SCN11A: variants seen among roughly 807,000 people sequenced by gnomAD.
SCN11A encodes the protein sodium voltage-gated channel alpha subunit 11.
Under a neutral mutation model 162.2 loss-of-function variants are expected in SCN11A, and 122 were observed. That is an observed-to-expected ratio of 0.75 (90% CI 0.65 to 0.87). The LOEUF (loss-of-function observed/expected upper bound fraction) is 0.87. SCN11A is among the 40% of genes least tolerant of loss of function. The pLI is 0.00. For missense variants in SCN11A, 2,015 were observed against 2,181.6 expected (o/e 0.92, Z 1.52); for synonymous variants, 758 against 751.5 (o/e 1.01, Z -0.14).
At chr3:38,990,230 G>A (rs1054946108) in intron 2 of SCN11A, among the ~76,000 whole-genome samples, 4 of 152,150 alleles carry the variant, frequency 2.6e-5, no homozygotes, top group African/African-American at 4.8e-5. Flanking sequence ...ACTCCATCTC[G>A]ACTTATCCGA....
chr3:39,017,341 C>T (rs1023373713), intron 2 of SCN11A, among the ~76,000 whole-genome samples: 1 of 149,884 alleles, frequency 6.7e-6, no homozygotes, highest in African/African-American at 2.4e-5. Flanking sequence ...TAATTTGTTA[C>T]AGCAGCCCAA....
Position 39,013,670 on chromosome 3 carries a change from C to T in SCN11A, c.-280+18710G>A, listed in dbSNP as rs115292269. 5.4e-3 allele frequency among the ~76,000 whole-genome samples: 827 copies of T among 152,326 alleles called. 7 individuals carry two copies. Among genetic ancestry groups the T allele is most frequent in the African/African-American group, 0.015 (636 of 41,574 alleles). ...TTAACTCTCATAAAACAACCTTATG[C>T]TTCTACCTAACATAAAATGTTAGGC... On this transcript the variant is annotated intron_variant, in intron 2 of 29. Transcript: ENST00000302328.
chr3:38,960,125 C>A (rs1449833429), intron 3 of SCN11A, among the ~76,000 whole-genome samples, 158 bp downstream of exon 3: 1 of 152,034 alleles, frequency 6.6e-6, no homozygotes, highest in Non-Finnish European at 1.5e-5. Flanking sequence ...ACCAGCTGAG[C>A]CATATATCTC....
intron 16 of SCN11A, among the ~76,000 whole-genome samples, chr3:38,902,149 G>A (rs1371124639): frequency 6.6e-6 from 1 of 152,172 alleles, no homozygotes; most frequent in Admixed American, 6.5e-5. Context: ...ATTCCACCAG[G>A]AGGTGCTAAA....
At chr3:38,965,956 G>A (rs1455684384) in intron 2 of SCN11A, among the ~76,000 whole-genome samples, 1 of 151,738 alleles carries the variant, frequency 6.6e-6, no homozygotes, top group African/African-American at 2.4e-5. Flanking sequence ...CACCACCTTA[G>A]GTGACAGAAC....
chr3:38,847,468 G>T lies in SCN11A; in HGVS notation c.4602C>A (p.Phe1534Leu). 6.2e-7 allele frequency: 1 copy of T among 1,614,168 alleles called. No individual in the cohort carries two copies. Among genetic ancestry groups the T allele is most frequent in the Non-Finnish European group, 8.5e-7 (1 of 1,180,026 alleles). ...PESGIDDIFN[F>L]KTFASSMLCL... ...AGAGCATGCTGCTGGCAAAAGTCTTGAAGTTGAATATGTCATCGATTCCAG... is the reference window on the plus strand; with the variant it reads ...AGAGCATGCTGCTGGCAAAAGTCTTTAAGTTGAATATGTCATCGATTCCAG... The change falls in exon 30 of 30, where the codon TTC (phenylalanine) becomes TTA (leucine). Residue 1534 changes from phenylalanine to leucine, a missense_variant. Physicochemically the swap from Phe to Leu is conservative, Grantham distance 22. Transcript: ENST00000302328.
chr3:38,952,603 T>C (rs1287925049), intron 4 of SCN11A, among the ~76,000 whole-genome samples: 2 of 152,222 alleles, frequency 1.3e-5, no homozygotes, highest in African/African-American at 4.8e-5. Flanking sequence ...GAAACTAAAA[T>C]AGAACAAATG....
At chr3:39,038,637 C>T (rs918112177) in intron 1 of SCN11A, among the ~76,000 whole-genome samples, 4 of 152,226 alleles carry the variant, frequency 2.6e-5, no homozygotes, top group Non-Finnish European at 4.4e-5. Flanking sequence ...TCAGTTACCA[C>T]ATCCATCAAC....
intron 26 of SCN11A, among the ~76,000 whole-genome samples, chr3:38,869,448 C>T (rs989693537): frequency 1.3e-5 from 2 of 151,972 alleles, no homozygotes; most frequent in South Asian, 4.2e-4. Context: ...ATAAATATTA[C>T]AATGTAAACT....
At chr3:38,929,378 G>A (rs2066203436) in intron 7 of SCN11A, among the ~76,000 whole-genome samples, 1 of 152,192 alleles carries the variant, frequency 6.6e-6, no homozygotes, top group Non-Finnish European at 1.5e-5. Flanking sequence ...CCACTTATAT[G>A]AGGCAGGGGC....
In SCN11A at chr3:38,947,027, G is replaced by C. The variant is rs2066528706; in HGVS notation, c.268-120C>G. 14 of 650,894 alleles carry C rather than the reference G, an allele frequency of 2.2e-5. No individual in the cohort carries two copies. In the South Asian group the frequency reaches 2.8e-4, roughly 13 times the overall value. 40.3% of individuals were successfully genotyped at this position (650,894 alleles called of 1,614,324 possible). A position where few individuals can be genotyped will look rare whatever the true frequency, so the allele number is the denominator to read the frequency against. On this transcript the variant is annotated intron_variant, in intron 5 of 29. Coordinates refer to ENST00000302328, the MANE Select transcript of SCN11A (RefSeq NM_001349253.2). Reference sequence around the variant, plus strand: ...AGAAAATTATAACATAAACTGTTGGGCTGTGGAATATTTACCCAATGGGAT... The same window carrying C: ...AGAAAATTATAACATAAACTGTTGGCCTGTGGAATATTTACCCAATGGGAT...
intron 19 of SCN11A, among the ~76,000 whole-genome samples, chr3:38,889,786 C>T (rs994615733): frequency 1.4e-5 from 2 of 147,458 alleles, no homozygotes; most frequent in Non-Finnish European, 3.0e-5. Context: ...GGCGACAGAG[C>T]GAGACTCCAT....
intron 3 of SCN11A, among the ~76,000 whole-genome samples, chr3:38,959,646 C>A (rs970704722): frequency 6.6e-6 from 1 of 152,198 alleles, no homozygotes; most frequent in African/African-American, 2.4e-5. Context: ...ACATGCCCTA[C>A]AGAAAACCTC....
intron 2 of SCN11A, among the ~76,000 whole-genome samples, chr3:38,970,169 G>C (rs971280996): frequency 7.2e-5 from 11 of 152,274 alleles, no homozygotes; most frequent in African/African-American, 1.4e-4. Context: ...ATAGCAAGAG[G>C]GGGGATCTCT....
chr3:39,029,081 C>G lies in SCN11A; in HGVS notation c.-280+3299G>C, dbSNP rs536537250. 2.0e-5 allele frequency among the ~76,000 whole-genome samples: 3 copies of G among 152,262 alleles called. No homozygotes were observed. In the South Asian group the frequency reaches 6.2e-4, roughly 32 times the overall value. On this transcript the variant is annotated intron_variant, in intron 2 of 29. Transcript: ENST00000302328. Reference sequence around the variant, plus strand: ...GTCATGGTCATTTACTTCAATAATGCTTTAATAAATATCCCTTTACCTGTG... The same window carrying G: ...GTCATGGTCATTTACTTCAATAATGGTTTAATAAATATCCCTTTACCTGTG...
chr3:38,868,002 A>ATAAATATC (rs2065069172), intron 26 of SCN11A, among the ~76,000 whole-genome samples: 3 of 152,208 alleles, frequency 2.0e-5, no homozygotes, highest in Non-Finnish European at 4.4e-5. Flanking sequence ...TACACATGGA[A>ATAAATATC]TAAATATCTA....
intron 2 of SCN11A, among the ~76,000 whole-genome samples, chr3:39,017,707 CTA>C (rs1265303452): frequency 6.6e-6 from 1 of 151,936 alleles, no homozygotes; most frequent in African/African-American, 2.4e-5. Flanking sequence ...TGTAGAAGTT[CTA>C]TGTCTTTTTT....
intron 2 of SCN11A, among the ~76,000 whole-genome samples, chr3:39,015,910 T>C (rs1224578037): frequency 1.3e-5 from 2 of 152,136 alleles, no homozygotes; most frequent in Non-Finnish European, 2.9e-5. Context: ...CTAATTTTTG[T>C]ATTTTTAGTA....
intron 2 of SCN11A, among the ~76,000 whole-genome samples, chr3:38,980,821 T>G (rs1014738251): frequency 6.6e-6 from 1 of 152,186 alleles, no homozygotes; most frequent in African/African-American, 2.4e-5. Flanking sequence ...TTCCCCAACA[T>G]CATGCTACCA....
Sources: allele counts gnomAD v4.1 joint callset (sites outside exome capture counted in the v4.1 genomes callset), GRCh38; gene constraint gnomAD v4.1.1; transcripts MANE v1.5; gene names NCBI Gene and HGNC (gene_info 2026-07-23, HGNC 2026-07-21).